SLC16A14: variants seen among roughly 807,000 people sequenced by gnomAD.
SLC16A14 encodes solute carrier family 16 member 14, also known as monocarboxylate transporter 14.
SLC16A14 carries 14 observed loss-of-function variants against 35.8 expected under a neutral mutation model. That is an observed-to-expected ratio of 0.39 (90% CI 0.26 to 0.61). The LOEUF (loss-of-function observed/expected upper bound fraction) is 0.61, where lower values mean the gene tolerates loss of function less well. SLC16A14 is among the 20% of genes least tolerant of loss of function. The probability of loss-of-function intolerance (pLI) is 0.51; values close to 1 mark genes in which losing one functional copy is unlikely to be tolerated. For missense variants in SLC16A14, 533 were observed against 655.0 expected (o/e 0.81, Z 2.03); for synonymous variants, 248 against 258.9 (o/e 0.96, Z 0.40).
At chr2:230,060,675 A>G (rs1156857364) in intron 1 of SLC16A14, among the ~76,000 whole-genome samples, 1 of 149,868 alleles carries the variant, frequency 6.7e-6, no homozygotes, top group African/African-American at 2.5e-5. Flanking sequence ...TTCATTTTTC[A>G]TGGTTTTTTT....
At chr2:230,050,357 T>A (rs2077649895) in intron 2 of SLC16A14, among the ~76,000 whole-genome samples, 1 of 152,250 alleles carries the variant, frequency 6.6e-6, no homozygotes, top group Non-Finnish European at 1.5e-5. Flanking sequence ...CCCGTTTGAC[T>A]GGGACACACC....
At chr2:230,051,252 C>T (rs891265547) in intron 2 of SLC16A14, among the ~76,000 whole-genome samples, 9 of 152,150 alleles carry the variant, frequency 5.9e-5, no homozygotes, top group Non-Finnish European at 1.0e-4. Flanking sequence ...CCTTCACCTC[C>T]CTGGGATCAA....
intron 2 of SLC16A14, 21 bp downstream of exon 2, chr2:230,059,073 A>G: frequency 1.3e-6 from 2 of 1,561,946 alleles, no homozygotes; most frequent in Non-Finnish European, 1.7e-6. Context: ...CAGTTTTACG[A>G]CAGGTCACAC....
intron 2 of SLC16A14, among the ~76,000 whole-genome samples, chr2:230,057,231 T>C (rs1313299415): frequency 6.6e-6 from 1 of 152,212 alleles, no homozygotes; most frequent in East Asian, 1.9e-4. Context: ...GGAAAGCCCC[T>C]AGTATATCAT....
chr2:230,053,441 T>A (rs1392580715), intron 2 of SLC16A14, among the ~76,000 whole-genome samples: 3 of 152,220 alleles, frequency 2.0e-5, no homozygotes, highest in African/African-American at 7.2e-5. Flanking sequence ...ATTATCTGAC[T>A]TTTTCATTTT....
intron 2 of SLC16A14, among the ~76,000 whole-genome samples, chr2:230,052,945 T>G (rs1191959958): frequency 6.6e-6 from 1 of 152,042 alleles, no homozygotes; most frequent in African/African-American, 2.4e-5. Context: ...TCTCTCTTTC[T>G]TTCTTTCTTT....
intron 2 of SLC16A14, among the ~76,000 whole-genome samples, chr2:230,051,256 G>T (rs956084374): frequency 2.6e-5 from 4 of 152,102 alleles, no homozygotes; most frequent in African/African-American, 7.2e-5. Context: ...CACCTCCCTG[G>T]GATCAAGCGA....
At chr2:230,043,427 C>T (rs767725427) in intron 4 of SLC16A14, among the ~76,000 whole-genome samples, 1 of 152,174 alleles carries the variant, frequency 6.6e-6, no homozygotes, top group Non-Finnish European at 1.5e-5. Flanking sequence ...TTATGACTTA[C>T]AGAAAGACTG....
At chr2:230,067,600 C>G (rs2077812367) in intron 1 of SLC16A14, among the ~76,000 whole-genome samples, 1 of 151,136 alleles carries the variant, frequency 6.6e-6, no homozygotes, top group African/African-American at 2.4e-5. Context: ...CGCACACGCA[C>G]GCACATGCAA....
intron 4 of SLC16A14, among the ~76,000 whole-genome samples, chr2:230,040,311 C>A (rs913210440): frequency 9.2e-5 from 14 of 152,238 alleles, no homozygotes; most frequent in Admixed American, 5.2e-4. Flanking sequence ...CTCCACTCCC[C>A]CGGGTTCAAG....
chr2:230,065,771 A>T (rs1336152128), intron 1 of SLC16A14, among the ~76,000 whole-genome samples: 1 of 152,038 alleles, frequency 6.6e-6, no homozygotes, highest in African/African-American at 2.4e-5. Flanking sequence ...ATAATTATAT[A>T]CATGTATAAT....
intron 1 of SLC16A14, among the ~76,000 whole-genome samples, chr2:230,060,414 G>A (rs751933925): frequency 4.6e-5 from 7 of 152,112 alleles, no homozygotes; most frequent in Non-Finnish European, 8.8e-5. Flanking sequence ...TGTGATCATA[G>A]CTCACTGCAG....
intron 2 of SLC16A14, among the ~76,000 whole-genome samples, chr2:230,052,665 T>C (rs1036481611): frequency 6.6e-6 from 1 of 151,926 alleles, no homozygotes; most frequent in Non-Finnish European, 1.5e-5. Context: ...CAAATATTCA[T>C]GTCTGGAGGA....
intron 2 of SLC16A14, among the ~76,000 whole-genome samples, chr2:230,056,636 G>T (rs1199765512): frequency 6.6e-6 from 1 of 152,022 alleles, no homozygotes; most frequent in Non-Finnish European, 1.5e-5. Flanking sequence ...GAGAGGCTGA[G>T]GCAGGAGGAT....
chr2:230,051,802 T>C (rs1482163309), intron 2 of SLC16A14, among the ~76,000 whole-genome samples: 1 of 152,200 alleles, frequency 6.6e-6, no homozygotes, highest in Non-Finnish European at 1.5e-5. Context: ...GAGTTTATTT[T>C]GTCTAGTGGT....
intron 2 of SLC16A14, among the ~76,000 whole-genome samples, chr2:230,056,885 A>G (rs1405375868): frequency 6.6e-6 from 1 of 150,784 alleles, no homozygotes; most frequent in East Asian, 1.9e-4. Flanking sequence ...AAAGTAAAAA[A>G]AAAAAAAAAA....
intron 2 of SLC16A14, among the ~76,000 whole-genome samples, chr2:230,054,838 T>C (rs1208849204): frequency 6.7e-6 from 1 of 148,766 alleles, no homozygotes; most frequent in Non-Finnish European, 1.5e-5. Context: ...GAGGTTGCAG[T>C]GAGCCGAGAT....
At position 230,055,311 on chromosome 2, in the gene SLC16A14, C is replaced by G. The variant is rs73107702; in HGVS notation, c.259+3783G>C. Among the ~76,000 whole-genome samples the G allele has an allele frequency of 6.8e-3, 1,032 of 152,236 alleles. 10 individuals are homozygous for G. The highest frequency in any genetic ancestry group is 0.023 in the African/African-American group (963 of 41,554). Reference sequence around the variant, plus strand: ...GCGCGTTTCTGGCTTGGAAAGCTTCCCTGAGGCTGCTCAACAAATCTGCAG... The same window carrying G: ...GCGCGTTTCTGGCTTGGAAAGCTTCGCTGAGGCTGCTCAACAAATCTGCAG... On this transcript the variant is annotated intron_variant, in intron 2 of 4. Transcript: ENST00000295190.
chr2:230,052,622 A>G (rs1041505860), intron 2 of SLC16A14, among the ~76,000 whole-genome samples: 5 of 22,544 alleles, frequency 2.2e-4, no homozygotes, highest in African/African-American at 4.6e-4. Flanking sequence ...GGCGTTTGAG[A>G]AAAAAAAAAG....
Sources: allele counts gnomAD v4.1 joint callset (sites outside exome capture counted in the v4.1 genomes callset), GRCh38; gene constraint gnomAD v4.1.1; transcripts MANE v1.5; gene names NCBI Gene and HGNC (gene_info 2026-07-23, HGNC 2026-07-21).